DNAH12: variants seen among roughly 807,000 people sequenced by gnomAD.
DNAH12 encodes the protein dynein axonemal heavy chain 12.
Under a neutral mutation model 371.5 loss-of-function variants are expected in DNAH12, and 285 were observed. The ratio of observed to expected loss-of-function variants is 0.77; its 90% confidence interval spans 0.70 to 0.85. The LOEUF is 0.85. DNAH12 is among the 40% of genes least tolerant of loss of function. The probability of loss-of-function intolerance (pLI) is 0.00; values close to 1 mark genes in which losing one functional copy is unlikely to be tolerated. For missense variants in DNAH12, 3,611 were observed against 3,689.4 expected (o/e 0.98, Z 0.55); for synonymous variants, 1,200 against 1,213.0 (o/e 0.99, Z 0.22).
intron 58 of DNAH12, among the ~76,000 whole-genome samples, chr3:57,363,367 C>T (rs1475745967): frequency 2.0e-5 from 3 of 152,082 alleles, no homozygotes; most frequent in Admixed American, 1.3e-4. Flanking sequence ...AAATTTATTT[C>T]TTCTGTGTAT....
intron 29 of DNAH12, among the ~76,000 whole-genome samples, chr3:57,440,262 G>T (rs2153368622): frequency 6.6e-6 from 1 of 152,252 alleles, no homozygotes; most frequent in African/African-American, 2.4e-5. Context: ...CAATAGCAAA[G>T]ACATGGAATC....
At position 57,329,321 on chromosome 3, in the gene DNAH12, G is replaced by T. The variant is rs1009535820; in HGVS notation, c.9978+5144C>A. 5.5e-5 allele frequency among the ~76,000 whole-genome samples: 7 copies of T among 127,236 alleles called. 1 individual carries two copies. In the South Asian group the frequency reaches 8.8e-4, roughly 16 times the overall value. 83.5% of individuals were successfully genotyped at this position (127,236 alleles called of 152,430 possible). On this transcript the variant is annotated intron_variant, in intron 62 of 73. Coordinates refer to ENST00000495027, the MANE Select transcript of DNAH12 (RefSeq NM_001366028.2). ...ACCTGACTTCAAACTATACTACAAG[G>T]CTACAGTAACAAAAACAGCATGGTA...
chr3:57,479,337 A>C (rs1218698967), intron 13 of DNAH12, among the ~76,000 whole-genome samples: 2 of 152,172 alleles, frequency 1.3e-5, no homozygotes, highest in African/African-American at 4.8e-5. Context: ...CCATTACATA[A>C]TGGTAAAGGG....
intron 60 of DNAH12, among the ~76,000 whole-genome samples, chr3:57,341,222 A>G (rs1385174097): frequency 2.0e-5 from 3 of 152,142 alleles, no homozygotes; most frequent in Non-Finnish European, 4.4e-5. Context: ...CTTATTCAAC[A>G]TATTAATAGT....
chr3:57,304,329 T>G (rs1317012232), intron 69 of DNAH12, among the ~76,000 whole-genome samples: 1 of 152,148 alleles, frequency 6.6e-6, no homozygotes, highest in Non-Finnish European at 1.5e-5. Context: ...CTCCTGCTCT[T>G]TGCTCGGTGA....
At chr3:57,436,804 C>T (rs1172805747) in intron 30 of DNAH12, 147 bp downstream of exon 30, 4 of 546,906 alleles carry the variant, frequency 7.3e-6, no homozygotes, top group African/African-American at 2.0e-5. Context: ...AAACCTTTGC[C>T]TTTTAAGCCA....
At chr3:57,422,152 A>G (rs926934862) in intron 35 of DNAH12, among the ~76,000 whole-genome samples, 2 of 151,942 alleles carry the variant, frequency 1.3e-5, no homozygotes, top group African/African-American at 4.8e-5. Context: ...AGACTCAGCA[A>G]TCTACCTGCC....
intron 55 of DNAH12, among the ~76,000 whole-genome samples, chr3:57,369,359 TAA>T (rs1167191517): frequency 0.66 from 96,045 of 145,682 alleles, 32,381 homozygotes; most frequent in Non-Finnish European, 0.75. Flanking sequence ...AATAAATAAA[TAA>T]ATATATATAA....
At chr3:57,548,348 T>G (rs1487954395), upstream of DNAH12, among the ~76,000 whole-genome samples, 1 of 152,212 alleles carries the variant, frequency 6.6e-6, no homozygotes, top group Non-Finnish European at 1.5e-5. Flanking sequence ...CGAAAAGACT[T>G]AATTTAGAAT....
intron 13 of DNAH12, 94 bp from the exon 14 acceptor site, chr3:57,472,765 A>C (rs2153381003): frequency 1.5e-6 from 2 of 1,319,720 alleles, no homozygotes; most frequent in East Asian, 5.1e-5. Flanking sequence ...ATACCCTTTC[A>C]GATTTCAGTT....
In DNAH12 at chr3:57,302,529, G is replaced by GTTTTTATATATATATA. The variant is rs879293648; in HGVS notation, c.11190-591_11190-590insTATATATATATAAAAA. Among the ~76,000 whole-genome samples the GTTTTTATATATATATA allele has an allele frequency of 6.9e-4, 33 of 47,850 alleles. 1 individual carries two copies. The highest frequency in any genetic ancestry group is 3.5e-3 in the East Asian group (3 of 858). 31.4% of individuals were successfully genotyped at this position (47,850 alleles called of 152,430 possible). A position where few individuals can be genotyped will look rare whatever the true frequency, so the allele number is the denominator to read the frequency against. ...TGCTGAATTAACTAAGGCATCAGGT[G>GTTTTTATATATATATA]TATATATATATATATATATATATAT... On this transcript the variant is annotated intron_variant, in intron 69 of 73. Coordinates refer to ENST00000495027, the MANE Select transcript of DNAH12 (RefSeq NM_001366028.2).
chr3:57,323,611 T>A lies in DNAH12; in HGVS notation c.9987A>T (p.Pro3329=), dbSNP rs769094739. 568 of 1,541,148 alleles carry A rather than the reference T, an allele frequency of 3.7e-4. No homozygotes were observed. Among genetic ancestry groups the A allele is most frequent in the Non-Finnish European group, 4.8e-4 (551 of 1,144,196 alleles). The change falls in exon 63 of 74, where the codon CCA becomes CCT. Residue 3329 remains proline (P), a synonymous_variant. Coordinates refer to ENST00000495027, the MANE Select transcript of DNAH12 (RefSeq NM_001366028.2). The part of the protein sequence containing the change: ...LRCLRPDKIT[P]AITNYVTDKL... ...TGTCAGTTACATAGTTTGTTATAGC[T>A]GGGGTTATCTGTTGAAGAGAAAAGA...
At chr3:57,350,728 G>A (rs2062652877) in intron 60 of DNAH12, among the ~76,000 whole-genome samples, 1 of 152,142 alleles carries the variant, frequency 6.6e-6, no homozygotes, top group Admixed American at 6.5e-5. Flanking sequence ...GAGAGTGAGT[G>A]CCAATTTGTC....
chr3:57,488,223 C>T (rs920324978), intron 12 of DNAH12, among the ~76,000 whole-genome samples: 3 of 152,046 alleles, frequency 2.0e-5, no homozygotes, highest in South Asian at 2.1e-4. Context: ...GATGGAGTCT[C>T]GCACTGTAGC....
rs1004710312 is a variant in DNAH12 at position 57,367,688 on chromosome 3, G to A, written c.8974+358C>T. On this transcript the variant is annotated intron_variant, in intron 56 of 73. Coordinates refer to ENST00000495027, the MANE Select transcript of DNAH12 (RefSeq NM_001366028.2). ...ATCCCAGCACTTTGGGAGGCTGAGG[G>A]AGGAGGATCACTTGAGGCCAGGAGT... Among the ~76,000 whole-genome samples the A allele has an allele frequency of 2.4e-3, 372 of 152,192 alleles. 2 individuals carry two copies. The highest frequency in any genetic ancestry group is 3.9e-3 in the Non-Finnish European group (264 of 67,992).
intron 66 of DNAH12, among the ~76,000 whole-genome samples, chr3:57,311,180 A>G (rs752722066): frequency 3.3e-5 from 5 of 152,166 alleles, no homozygotes; most frequent in Non-Finnish European, 7.4e-5. Flanking sequence ...GGTTCAAGCG[A>G]TTCTCCTGCC....
In DNAH12 at chr3:57,462,559, G is replaced by A. The variant is rs1309372695; in HGVS notation, c.2535+131C>T. Reference sequence around the variant, plus strand: ...GAGCTACCGCACCCAGCCGGAGAGTGGTCTTCTATCACTCTCCCCCATCAC... The same window carrying A: ...GAGCTACCGCACCCAGCCGGAGAGTAGTCTTCTATCACTCTCCCCCATCAC... On this transcript the variant is annotated intron_variant, in intron 18 of 73. Transcript: ENST00000495027. The A allele has an allele frequency of 2.8e-6, 3 of 1,057,774 alleles. No homozygotes were observed. The East Asian group carries it at 8.0e-5, about 28-fold the overall frequency. The allele number at this position is 1,057,774 out of a possible 1,614,324, so 65.5% of individuals were successfully genotyped here.
chr3:57,464,800 G>A (rs1236157886), intron 17 of DNAH12, among the ~76,000 whole-genome samples: 1 of 152,188 alleles, frequency 6.6e-6, no homozygotes, highest in Non-Finnish European at 1.5e-5. Context: ...TAGCACTATA[G>A]ATTCTACAGA....
At chr3:57,400,290 A>T (rs1020644625) in intron 43 of DNAH12, among the ~76,000 whole-genome samples, 7 of 152,198 alleles carry the variant, frequency 4.6e-5, no homozygotes, top group Non-Finnish European at 1.0e-4. Context: ...TATCTAAAAA[A>T]AAAAATTATA....
Sources: gnomAD v4.1 joint callset for allele counts (sites outside exome capture counted in the v4.1 genomes callset) on GRCh38, gnomAD v4.1.1 for gene constraint, MANE v1.5 for transcripts, NCBI Gene and HGNC (gene_info 2026-07-23, HGNC 2026-07-21) for gene names.